The following CUBN variants were observed in gnomAD, a reference collection of about 807,000 sequenced individuals.
CUBN encodes the protein cubilin, also known as 460 kDa receptor.
Under a neutral mutation model 405.3 loss-of-function variants are expected in CUBN, and 282 were observed. The ratio of observed to expected loss-of-function variants is 0.70; its 90% confidence interval spans 0.63 to 0.77. The LOEUF (loss-of-function observed/expected upper bound fraction) is 0.77. Ranked by LOEUF, CUBN falls within the 30% of genes least tolerant of loss-of-function variation. The probability of loss-of-function intolerance (pLI) is 0.00; values close to 1 mark genes in which losing one functional copy is unlikely to be tolerated. For missense variants in CUBN, 4,514 were observed against 4,475.2 expected (o/e 1.01, Z -0.25); for synonymous variants, 1,684 against 1,617.0 (o/e 1.04, Z -0.99).
At chr10:16,951,898 A>C (rs902008677) in intron 33 of CUBN, among the ~76,000 whole-genome samples, 1 of 151,968 alleles carries the variant, frequency 6.6e-6, no homozygotes, top group African/African-American at 2.4e-5. Context: ...CATCAGCTAT[A>C]CTCAAGGCAC....
intron 60 of CUBN, among the ~76,000 whole-genome samples, chr10:16,849,645 T>G (rs980996802): frequency 6.6e-6 from 1 of 152,220 alleles, no homozygotes; most frequent in Non-Finnish European, 1.5e-5. Context: ...TTTAAAATTA[T>G]TTTCTCTAAA....
chr10:16,997,306 G>T (rs766203278), intron 28 of CUBN, among the ~76,000 whole-genome samples: 3 of 151,982 alleles, frequency 2.0e-5, no homozygotes, highest in Non-Finnish European at 4.4e-5. Context: ...GTGGTGGCAG[G>T]CACCTGTAGT....
intron 13 of CUBN, among the ~76,000 whole-genome samples, chr10:17,102,267 A>G (rs1182749633): frequency 6.8e-6 from 1 of 146,752 alleles, no homozygotes; most frequent in African/African-American, 2.6e-5. Flanking sequence ...TTATTTATTT[A>G]TTTATTTATT....
At position 17,100,206 on chromosome 10, in the gene CUBN, C is replaced by T. The variant is rs755543497; in HGVS notation, c.1564G>A (p.Glu522Lys). ...LRITFTFFRL[E>K]SMDNCPHEFL... ...TCGTGTGGACAGTTGTCCATGGATT[C>T]TAACCGGAAAAAAGTGAAAGTGATA... Residue 522 changes from glutamate (E) to lysine (K), a missense_variant, in exon 14 of 67, where the codon GAA becomes AAA. Around this residue, in one of 5 missense-constraint regions of CUBN, gnomAD observed 1,448 missense variants for 1,388.0 expected, o/e 1.04. Coordinates refer to ENST00000377833, the MANE Select transcript of CUBN (RefSeq NM_001081.4). 2 of 1,613,792 alleles carry T rather than the reference C, an allele frequency of 1.2e-6. No individual in the cohort carries two copies. Among genetic ancestry groups the T allele is most frequent in the Non-Finnish European group, 1.7e-6 (2 of 1,179,784 alleles).
At chr10:16,889,234 A>G (rs1410792384) in intron 55 of CUBN, among the ~76,000 whole-genome samples, 2 of 151,772 alleles carry the variant, frequency 1.3e-5, no homozygotes, top group Non-Finnish European at 2.9e-5. Context: ...ACACAAGTAC[A>G]CACGTGCACA....
At chr10:16,861,974 G>T in intron 59 of CUBN, among the ~76,000 whole-genome samples, 1 of 151,960 alleles carries the variant, frequency 6.6e-6, no homozygotes, top group Middle Eastern at 3.2e-3. Flanking sequence ...CATGGTGAAA[G>T]CCCGTCTCCA....
intron 28 of CUBN, among the ~76,000 whole-genome samples, chr10:17,014,645 C>T (rs1834278635): frequency 6.6e-6 from 1 of 152,172 alleles, no homozygotes; most frequent in Non-Finnish European, 1.5e-5. Flanking sequence ...TGCCTTGTAC[C>T]CTTGATTAGC....
At chr10:16,996,701 A>T (rs1833744787) in intron 28 of CUBN, among the ~76,000 whole-genome samples, 1 of 152,234 alleles carries the variant, frequency 6.6e-6, no homozygotes, top group Non-Finnish European at 1.5e-5. Flanking sequence ...TTAAAAAGTA[A>T]CTGCTGTATT....
intron 51 of CUBN, among the ~76,000 whole-genome samples, chr10:16,902,597 GTAGA>G (rs1841428010): frequency 1.3e-5 from 2 of 152,010 alleles, no homozygotes; most frequent in East Asian, 3.8e-4. Flanking sequence ...GGTTGAGTGA[GTAGA>G]TAATCAATTT....
chr10:16,908,427 G>A (rs749966845), intron 48 of CUBN, among the ~76,000 whole-genome samples: 12 of 152,158 alleles, frequency 7.9e-5, no homozygotes, highest in Non-Finnish European at 1.8e-4. Context: ...TTACTGGTGT[G>A]AGCCACAGCA....
intron 41 of CUBN, among the ~76,000 whole-genome samples, 193 bp downstream of exon 41, chr10:16,927,964 G>C (rs1842240897): frequency 6.6e-6 from 1 of 152,114 alleles, no homozygotes; most frequent in African/African-American, 2.4e-5. Flanking sequence ...GTACGACTTG[G>C]CCCCAGTGCT....
Position 17,041,118 on chromosome 10 carries a change from C to T in CUBN, c.3932G>A (p.Arg1311Gln), listed in dbSNP as rs1037514591. 42 of 1,613,064 alleles carry T rather than the reference C, an allele frequency of 2.6e-5. No homozygotes were observed. Among genetic ancestry groups the T allele is most frequent in the Non-Finnish European group, 3.3e-5 (39 of 1,179,642 alleles). ...GTTCACAGTGTTGCCTGTTGTTGCC[C>T]GGATGGTCCAGTTGCAATGCTGATT... ...SENQHCNWTI[R>Q]ATTGNTVNYT... Residue 1311 changes from arginine to glutamine, a missense_variant, in exon 27 of 67, where the codon CGG becomes CAG. Arg to Gln is a conservative substitution (Grantham distance 43). Around this residue, in one of 5 missense-constraint regions of CUBN, gnomAD observed 242 missense variants for 309.0 expected, o/e 0.78. Transcript: ENST00000377833.
chr10:16,915,037 A>G lies in CUBN; in HGVS notation c.7346T>C (p.Met2449Thr), dbSNP rs41301097. ...GAATGAATCAATGAACTCACCTTCC[A>G]TACTGGATTCAAATCGCAGTCTGAA... ...SGFRLRFESS[M>T]EECGGDLQGS... Residue 2449 changes from methionine to threonine, a missense_variant, in exon 47 of 67, where the codon ATG becomes ACG. Coordinates refer to ENST00000377833, the MANE Select transcript of CUBN (RefSeq NM_001081.4). 5,149 of 1,613,826 alleles carry G rather than the reference A, an allele frequency of 3.2e-3. 40 individuals are homozygous for G. Among genetic ancestry groups the G allele is most frequent in the South Asian group, 0.018 (1,633 of 91,066 alleles).
intron 58 of CUBN, among the ~76,000 whole-genome samples, chr10:16,871,556 T>C (rs1409614892): frequency 6.6e-6 from 1 of 152,040 alleles, no homozygotes; most frequent in Non-Finnish European, 1.5e-5. Flanking sequence ...GAAAACCGTA[T>C]TGATTTTCTT....
rs1840071349 is a variant in CUBN at position 16,863,331 on chromosome 10, C to G, written c.9454+6305G>C. 3.3e-5 allele frequency among the ~76,000 whole-genome samples: 5 copies of G among 152,330 alleles called. No homozygotes were observed. In the South Asian group the frequency reaches 1.0e-3, roughly 32 times the overall value. Reference sequence around the variant, plus strand: ...ATGGGTTTACAGTTTCAGCTCATCTCATTCTCAGACTTCATCACAGGGAGC... The same window carrying G: ...ATGGGTTTACAGTTTCAGCTCATCTGATTCTCAGACTTCATCACAGGGAGC... On this transcript the variant is annotated intron_variant, in intron 59 of 66. Coordinates refer to ENST00000377833, the MANE Select transcript of CUBN (RefSeq NM_001081.4).
intron 4 of CUBN, among the ~76,000 whole-genome samples, chr10:17,125,078 T>G (rs1295211039): frequency 2.0e-5 from 3 of 150,542 alleles, no homozygotes; most frequent in Non-Finnish European, 3.0e-5. Context: ...ATGATCCACC[T>G]GCCTCGGCCT....
At position 17,123,701 on chromosome 10, in the gene CUBN, A is replaced by T. The variant is rs991035385; in HGVS notation, c.388-12T>A. On this transcript the variant is annotated splice_polypyrimidine_tract_variant and intron_variant, in intron 4 of 66. Coordinates refer to ENST00000377833, the MANE Select transcript of CUBN (RefSeq NM_001081.4). ...TTTTTGTCAACAGTCTGAAACAAAA[A>T]CAGGACAGTCAATGAGATGACTTGC... 8 of 1,600,558 alleles carry T rather than the reference A, an allele frequency of 5.0e-6. No individual in the cohort carries two copies. Among genetic ancestry groups the T allele is most frequent in the Non-Finnish European group, 6.8e-6 (8 of 1,168,312 alleles).
intron 6 of CUBN, among the ~76,000 whole-genome samples, chr10:17,117,676 C>G (rs904474088): frequency 9.9e-5 from 15 of 152,164 alleles, no homozygotes; most frequent in Non-Finnish European, 2.9e-5. Flanking sequence ...GTGATCTGCC[C>G]ACCTCGGCCT....
At chr10:16,826,205 GT>G (rs1294775576) in intron 66 of CUBN, among the ~76,000 whole-genome samples, 2 of 152,062 alleles carry the variant, frequency 1.3e-5, no homozygotes, top group African/African-American at 4.8e-5. Context: ...CAGGGTTTGT[GT>G]TTATATTAGC....
Sources: allele counts gnomAD v4.1 joint callset (sites outside exome capture counted in the v4.1 genomes callset), GRCh38; gene constraint gnomAD v4.1.1; regional missense constraint gnomAD v4.1.1; transcripts MANE v1.5; gene names NCBI Gene and HGNC (gene_info 2026-07-23, HGNC 2026-07-21).